Variants in ATP2A2 observed in about 807,000 individuals in gnomAD.
ATP2A2 encodes the protein ATPase sarcoplasmic/endoplasmic reticulum Ca2+ transporting 2.
A neutral mutation model predicts 109.3 loss-of-function variants in ATP2A2; 14 were observed. The ratio of observed to expected loss-of-function variants is 0.13; its 90% CI spans 0.08 to 0.20. ATP2A2 has a LOEUF of 0.20. Among genes scored for constraint, ATP2A2 ranks in the 10% least tolerant of loss-of-function variants. The pLI is 1.00. For synonymous variants in ATP2A2, 506 were observed against 490.9 expected (o/e 1.03, Z -0.41); for missense variants, 657 against 1,321.6 (o/e 0.50, Z 7.80).
chr12:110,293,871 T>TATATATATA (rs1491495436), intron 4 of ATP2A2, among the ~76,000 whole-genome samples: 48 of 79,506 alleles, frequency 6.0e-4, no homozygotes, highest in African/African-American at 2.8e-3. Context: ...TGTGTATATA[T>TATATATATA]TTTTTTTTTT....
At chr12:110,296,865 C>T in intron 5 of ATP2A2, 128 bp downstream of exon 5, 2 of 1,078,166 alleles carry the variant, frequency 1.9e-6, no homozygotes, top group East Asian at 5.2e-5. Context: ...TATTGCCATT[C>T]ATACAAATCC....
chr12:110,320,106 A>G (rs1011139758), intron 5 of ATP2A2, among the ~76,000 whole-genome samples: 2 of 152,230 alleles, frequency 1.3e-5, no homozygotes, highest in African/African-American at 4.8e-5. Flanking sequence ...CCTGAAAAAT[A>G]CATTTTCTAT....
chr12:110,288,488 T>C (rs1872907496), intron 3 of ATP2A2, among the ~76,000 whole-genome samples: 1 of 151,768 alleles, frequency 6.6e-6, no homozygotes, highest in Non-Finnish European at 1.5e-5. Context: ...CGCTGTAACC[T>C]CTGCCTCCCG....
rs1380990879 is a variant in ATP2A2, at chr12:110,306,670, G to C, written c.463+9933G>C. On this transcript the variant is annotated intron_variant, in intron 5 of 19. Transcript: ENST00000539276. ...AATAGTCTCTGGCTGCATCCATTTT[G>C]CTGGAAAAGACATGATTTCATTCTT... Among the ~76,000 whole-genome samples, 5 of 152,166 alleles carry C rather than the reference G, an allele frequency of 3.3e-5. 1 individual carries two copies. The South Asian group carries it at 1.0e-3, about 32-fold the overall frequency.
At chr12:110,331,334 A>T (rs563471309) in intron 8 of ATP2A2, 1 of 152,262 alleles carries the variant, frequency 6.6e-6, no homozygotes, top group African/African-American at 2.4e-5. Flanking sequence ...TTTTTAAAAC[A>T]CAACATAGCT....
At chr12:110,328,676 C>T (rs1223553134) in intron 8 of ATP2A2, among the ~76,000 whole-genome samples, 1 of 152,182 alleles carries the variant, frequency 6.6e-6, no homozygotes, top group Non-Finnish European at 1.5e-5. Flanking sequence ...TCAAGTCCTC[C>T]CACCCCAGCC....
At chr12:110,297,206 G>A (rs1297225790) in intron 5 of ATP2A2, among the ~76,000 whole-genome samples, 7 of 152,054 alleles carry the variant, frequency 4.6e-5, no homozygotes, top group South Asian at 4.2e-4. Context: ...TTGGGATGCC[G>A]AGGCAGGCAG....
At position 110,340,635 on chromosome 12, in the gene ATP2A2, T is replaced by C. The variant is rs757113029; in HGVS notation, c.1762-24T>C. The C allele has an allele frequency of 2.5e-6, 4 of 1,611,920 alleles. No homozygotes were observed. The highest frequency in any genetic ancestry group is 1.7e-5 in the Admixed American group (1 of 59,978). ...CAAAAACTAGAACTTGCCACTTTTA[T>C]TTAAAGTGATGCTCTTATTTTAGAC... is the stretch of plus-strand genomic sequence containing the variant. On this transcript the variant is annotated intron_variant, in intron 13 of 19. Transcript: ENST00000539276. The surrounding 1 kb of genome is among the most constrained non-coding windows in gnomAD (Gnocchi z 6.0).
At chr12:110,301,605 AC>A (rs1054993954) in intron 5 of ATP2A2, among the ~76,000 whole-genome samples, 1 of 152,080 alleles carries the variant, frequency 6.6e-6, no homozygotes, top group African/African-American at 2.4e-5. Context: ...TCATCTCCTA[AC>A]TAGGCTCTGG....
intron 4 of ATP2A2, among the ~76,000 whole-genome samples, chr12:110,293,203 G>A (rs1170539244): frequency 6.6e-6 from 1 of 151,842 alleles, no homozygotes; most frequent in Non-Finnish European, 1.5e-5. Context: ...GCCTCCTTGA[G>A]TAGCTGGGAT....
At chr12:110,317,658 G>T (rs540322798) in intron 5 of ATP2A2, among the ~76,000 whole-genome samples, 1 of 152,192 alleles carries the variant, frequency 6.6e-6, no homozygotes, top group Non-Finnish European at 1.5e-5. Context: ...GATTACAGGT[G>T]TGAGCCACCA....
intron 5 of ATP2A2, among the ~76,000 whole-genome samples, chr12:110,304,898 C>T (rs1036887721): frequency 6.6e-6 from 1 of 152,092 alleles, no homozygotes; most frequent in African/African-American, 2.4e-5. Flanking sequence ...TATATGATCC[C>T]AGCACTTTGG....
At chr12:110,292,808 C>T (rs11065615) in intron 4 of ATP2A2, among the ~76,000 whole-genome samples, 3,443 of 152,068 alleles carry the variant, frequency 0.023, 124 homozygotes, top group African/African-American at 0.078. Flanking sequence ...TCATTCTTTA[C>T]GGTAGCAAGG....
In ATP2A2 at chr12:110,349,577, C is replaced by G; in HGVS notation, c.*3107C>G. 1 of 986,598 alleles carries G rather than the reference C, an allele frequency of 1.0e-6. No homozygotes were observed. The highest frequency in any genetic ancestry group is 1.2e-6 in the Non-Finnish European group (1 of 830,740). The allele number at this position is 986,598 out of a possible 1,614,324, so 61.1% of individuals were successfully genotyped here. A position where few individuals can be genotyped will look rare whatever the true frequency, so the allele number is the denominator to read the frequency against. ...GGCATCTGGCCGACTTCCCTCACAA[C>G]AGCTGCTCCCACATCCCCTCGGACT... On this transcript the variant is annotated 3_prime_UTR_variant, in exon 20 of 20. Transcript: ENST00000539276.
At position 110,314,144 on chromosome 12, in the gene ATP2A2, C is replaced by T. The variant is rs532803054; in HGVS notation, c.464-8848C>T. 1.1e-4 allele frequency among the ~76,000 whole-genome samples: 17 copies of T among 151,914 alleles called. 1 individual carries two copies. In the South Asian group the frequency reaches 3.5e-3, roughly 32 times the overall value. On this transcript the variant is annotated intron_variant, in intron 5 of 19. Coordinates refer to ENST00000539276, the MANE Select transcript of ATP2A2 (RefSeq NM_170665.4). Reference sequence around the variant, plus strand: ...AGGAGTTCGAGACTAGCCTGACCAACATGGAGAAACGCTGTCTCTACTAAA... The same window carrying T: ...AGGAGTTCGAGACTAGCCTGACCAATATGGAGAAACGCTGTCTCTACTAAA...
intron 6 of ATP2A2, chr12:110,325,987 GAA>G (rs200380424): frequency 1.7e-3 from 301 of 176,400 alleles, no homozygotes; most frequent in Middle Eastern, 5.4e-3. Context: ...CCTCTGTCTC[GAA>G]AAAAAAAAAA....
chr12:110,335,567 C>T (rs1444733826), intron 11 of ATP2A2, among the ~76,000 whole-genome samples: 1 of 152,238 alleles, frequency 6.6e-6, no homozygotes, highest in Non-Finnish European at 1.5e-5. Flanking sequence ...CTCCCTTTAT[C>T]TTATCCTGGC....
intron 14 of ATP2A2, among the ~76,000 whole-genome samples, chr12:110,341,854 C>T (rs534291689): frequency 3.3e-4 from 51 of 152,266 alleles, no homozygotes; most frequent in Admixed American, 6.5e-5. Flanking sequence ...GGCGACAGAG[C>T]GGGACTCCAT....
At chr12:110,282,914 C>G (rs776434948) in intron 3 of ATP2A2, 119 bp downstream of exon 3, 1 of 905,396 alleles carries the variant, frequency 1.1e-6, no homozygotes, top group Non-Finnish European at 1.7e-6. Context: ...AGCTGTGTCT[C>G]TATGTTTAAA....
Sources: gnomAD v4.1 joint callset for allele counts (sites outside exome capture counted in the v4.1 genomes callset) on GRCh38, gnomAD v4.1.1 for gene constraint, Gnocchi (gnomAD v3.1) non-coding constraint, MANE v1.5 for transcripts, NCBI Gene and HGNC (gene_info 2026-07-23, HGNC 2026-07-21) for gene names.